Variants in PGAP4 observed in about 807,000 individuals in gnomAD.
The protein encoded by PGAP4 is GPI-N-acetylgalactosamine transferase PGAP4.
In PGAP4, 12 loss-of-function variants were observed where a neutral mutation model predicts 28.2. The observed-to-expected ratio is 0.42, with a 90% CI of 0.27 to 0.69. The LOEUF (loss-of-function observed/expected upper bound fraction) is 0.69, where lower values mean the gene tolerates loss of function less well. PGAP4 is among the 30% of genes least tolerant of loss of function. The pLI is 0.22. For missense variants in PGAP4, 425 were observed against 513.5 expected (o/e 0.83, Z 1.67); for synonymous variants, 205 against 211.8 (o/e 0.97, Z 0.28).
In PGAP4 at chr9:101,478,791, T is replaced by C. The variant is rs146930727; in HGVS notation, c.-77-1622A>G. Reference sequence around the variant, plus strand: ...GTGTTGGGACGGCATGGAACAGATGTCCCTTCCGCTGCCCACCTCCCAGTA... The same window carrying C: ...GTGTTGGGACGGCATGGAACAGATGCCCCTTCCGCTGCCCACCTCCCAGTA... On this transcript the variant is annotated intron_variant, in intron 1 of 1. Coordinates refer to ENST00000374848, the MANE Select transcript of PGAP4 (RefSeq NM_032342.3). 1.8e-4 allele frequency among the ~76,000 whole-genome samples: 27 copies of C among 152,286 alleles called. 2 individuals are homozygous for C. In the East Asian group the frequency reaches 5.0e-3, roughly 28 times the overall value.
In PGAP4 at chr9:101,476,682, C is replaced by G. The variant is rs765398973; in HGVS notation, c.411G>C (p.Glu137Asp). ...RLLQQCGPQC[E>D]GHQLFLCNVE... Reference sequence around the variant, plus strand: ...CGTTGCACAGGAAGAGTTGGTGCCCCTCGCACTGGGGGCCACATTGCTGAA... The same window carrying G: ...CGTTGCACAGGAAGAGTTGGTGCCCGTCGCACTGGGGGCCACATTGCTGAA... The change falls in exon 2 of 2, where the codon GAG (glutamate) becomes GAC (aspartate). Residue 137 changes from glutamate (E) to aspartate (D), a missense_variant. Transcript: ENST00000374848. This position sits in a 1 kb window ranked among gnomAD's most constrained non-coding sequence, Gnocchi z 7.0. 1 of 1,614,152 alleles carries G rather than the reference C, an allele frequency of 6.2e-7. No homozygotes were observed. The highest frequency in any genetic ancestry group is 1.1e-5 in the South Asian group (1 of 91,078).
intron 1 of PGAP4, among the ~76,000 whole-genome samples, chr9:101,485,835 A>T (rs193062562): frequency 6.6e-6 from 1 of 152,232 alleles, no homozygotes; most frequent in East Asian, 1.9e-4. Flanking sequence ...TATCCTTACA[A>T]CATTCTAATA....
chr9:101,475,416 G>A lies in PGAP4; in HGVS notation c.*465C>T, dbSNP rs987998143. ...GAATCTATCCACATGGTCCTGCCTC[G>A]TTGGGCATATATTCTAAACATACAT... is the stretch of plus-strand genomic sequence containing the variant. On this transcript the variant is annotated 3_prime_UTR_variant, in exon 2 of 2. Coordinates refer to ENST00000374848, the MANE Select transcript of PGAP4 (RefSeq NM_032342.3). The A allele has an allele frequency of 2.6e-4, 44 of 171,410 alleles. No individual in the cohort carries two copies. The highest frequency in any genetic ancestry group is 3.0e-3 in the Middle Eastern group (1 of 338). 10.6% of individuals were successfully genotyped at this position (171,410 alleles called of 1,614,324 possible).
At chr9:101,524,584 G>C (rs543380776) in intron 2 of PGAP4, among the ~76,000 whole-genome samples, 34 of 152,254 alleles carry the variant, frequency 2.2e-4, no homozygotes, top group African/African-American at 7.9e-4. Flanking sequence ...CTACTCTCCC[G>C]ATGGATCCCT....
chr9:101,495,920 A>G (rs996913141), intron 2 of PGAP4, among the ~76,000 whole-genome samples: 2 of 151,464 alleles, frequency 1.3e-5, no homozygotes, highest in African/African-American at 4.8e-5. Context: ...AAATAACTGG[A>G]AAGTCAAATC....
chr9:101,483,720 G>C (rs1826546733), intron 1 of PGAP4, among the ~76,000 whole-genome samples: 1 of 151,870 alleles, frequency 6.6e-6, no homozygotes, highest in Non-Finnish European at 1.5e-5. Context: ...TCATGTACAT[G>C]ATCACCAATG....
chr9:101,508,367 C>CA (rs1225239323), intron 2 of PGAP4, among the ~76,000 whole-genome samples: 7 of 152,042 alleles, frequency 4.6e-5, no homozygotes, highest in African/African-American at 1.7e-4. Context: ...GCTTTGGAAA[C>CA]AAAAAGATTT....
At chr9:101,526,082 GA>G (rs1210653371) in intron 2 of PGAP4, among the ~76,000 whole-genome samples, 1 of 151,846 alleles carries the variant, frequency 6.6e-6, no homozygotes, top group Non-Finnish European at 1.5e-5. Flanking sequence ...TTCATAAGAA[GA>G]AAAAAATACA....
chr9:101,495,470 A>G (rs1211989935), intron 2 of PGAP4, among the ~76,000 whole-genome samples: 3 of 137,408 alleles, frequency 2.2e-5, no homozygotes, highest in African/African-American at 8.1e-5. Context: ...TATATTTTAT[A>G]TATAATATAT....
At position 101,475,137 on chromosome 9, in the gene PGAP4, A is replaced by C. The variant is rs1339212011; in HGVS notation, c.*744T>G. 6.6e-6 allele frequency: 1 copy of C among 152,222 alleles called. No individual in the cohort carries two copies. The highest frequency in any genetic ancestry group is 2.1e-4 in the South Asian group (1 of 4,828). The allele number at this position is 152,222 out of a possible 1,614,324, so 9.4% of individuals were successfully genotyped here. Reference sequence around the variant, plus strand: ...ATTCTGAAATGTCCAATTTTCAAAGAGTCAGAGTAGTACAGAAATGTTCAA... The same window carrying C: ...ATTCTGAAATGTCCAATTTTCAAAGCGTCAGAGTAGTACAGAAATGTTCAA... On this transcript the variant is annotated 3_prime_UTR_variant, in exon 2 of 2. Coordinates refer to ENST00000374848, the MANE Select transcript of PGAP4 (RefSeq NM_032342.3).
rs1245170432 is a variant in PGAP4, at chr9:101,523,619, C to CATTTTTTTTTTTTTTTTTTTTT, written c.-165+7728_-165+7729insAAAAAAAAAAAAAAAAAAAAAT. On this transcript the variant is annotated intron_variant, in intron 2 of 3. Coordinates refer to the PGAP4 transcript ENST00000374851. ...ACATTTCTCCCCTCACTTCTTGTAT[C>CATTTTTTTTTTTTTTTTTTTTT]TTTTTTTTTTTTTTTTTTTTTTTTT... Among the ~76,000 whole-genome samples, 28 of 59,352 alleles carry CATTTTTTTTTTTTTTTTTTTTT rather than the reference C, an allele frequency of 4.7e-4. 3 individuals carry two copies. Among genetic ancestry groups the CATTTTTTTTTTTTTTTTTTTTT allele is most frequent in the African/African-American group, 8.5e-4 (12 of 14,134 alleles). 38.9% of individuals were successfully genotyped at this position (59,352 alleles called of 152,430 possible). A position where few individuals can be genotyped will look rare whatever the true frequency, so the allele number is the denominator to read the frequency against.
rs149228228 is a variant in PGAP4, at chr9:101,487,169, G to C, written c.-298C>G. On this transcript the variant is annotated 5_prime_UTR_variant, in exon 1 of 2. Transcript: ENST00000374848. ...CGGGCCATGTGACCCGCGAGCTGCG[G>C]AGAGACCGCGGCCCCCAAAGCGGCT... The C allele has an allele frequency of 2.0e-5, 3 of 152,360 alleles. No homozygotes were observed. The highest frequency in any genetic ancestry group is 3.9e-4 in the East Asian group (2 of 5,150). 9.4% of individuals were successfully genotyped at this position (152,360 alleles called of 1,614,324 possible).
intron 2 of PGAP4, among the ~76,000 whole-genome samples, chr9:101,524,561 C>T (rs555218845): frequency 2.6e-5 from 4 of 152,284 alleles, no homozygotes; most frequent in Non-Finnish European, 5.9e-5. Context: ...AGTTTTAGCC[C>T]CTGCTCCTCT....
Position 101,486,015 on chromosome 9 carries a change from T to A in PGAP4, c.-78+934A>T, listed in dbSNP as rs1270064820. Among the ~76,000 whole-genome samples, 1 of 151,984 alleles carries A rather than the reference T, an allele frequency of 6.6e-6. No individual in the cohort carries two copies. Among genetic ancestry groups the A allele is most frequent in the African/African-American group, 2.4e-5 (1 of 41,376 alleles). Reference sequence around the variant, plus strand: ...GCTAATGGTCCGCATGGTGAGATCATCATTGGAGCCGCCCTGCGGTCCCCC... The same window carrying A: ...GCTAATGGTCCGCATGGTGAGATCAACATTGGAGCCGCCCTGCGGTCCCCC... On this transcript the variant is annotated intron_variant, in intron 1 of 1. Transcript: ENST00000374848. This position sits in a 1 kb window ranked among gnomAD's most constrained non-coding sequence, Gnocchi z 4.7.
At chr9:101,496,214 C>T (rs532703958) in intron 2 of PGAP4, among the ~76,000 whole-genome samples, 1 of 151,080 alleles carries the variant, frequency 6.6e-6, no homozygotes, top group East Asian at 1.9e-4. Context: ...AGGGTTAAAA[C>T]CAGAGAAAGA....
At chr9:101,532,995 G>C (rs566921864) in exon 1 of PGAP4, 1 of 151,914 alleles carries the variant, frequency 6.6e-6, no homozygotes, top group East Asian at 1.9e-4. Context: ...ATAGTTCTGC[G>C]AGACATACAG....
At chr9:101,508,633 C>T (rs974683650) in intron 2 of PGAP4, among the ~76,000 whole-genome samples, 3 of 152,232 alleles carry the variant, frequency 2.0e-5, no homozygotes, top group African/African-American at 4.8e-5. Context: ...TGACTGGCTT[C>T]GTAGAAGACA....
chr9:101,500,137 G>C (rs1406903027), intron 2 of PGAP4, among the ~76,000 whole-genome samples: 1 of 151,806 alleles, frequency 6.6e-6, no homozygotes, highest in Non-Finnish European at 1.5e-5. Context: ...ACTGTTTCTT[G>C]GTCTTTTTAC....
At chr9:101,524,021 C>T (rs946304691) in intron 2 of PGAP4, among the ~76,000 whole-genome samples, 3 of 151,830 alleles carry the variant, frequency 2.0e-5, no homozygotes, top group Non-Finnish European at 4.4e-5. Flanking sequence ...GGTCTAGGCA[C>T]CCAGCGAGTC....
Sources: allele counts gnomAD v4.1 joint callset (sites outside exome capture counted in the v4.1 genomes callset), GRCh38; gene constraint gnomAD v4.1.1; non-coding constraint Gnocchi (gnomAD v3.1); transcripts MANE v1.5; gene names NCBI Gene and HGNC (gene_info 2026-07-23, HGNC 2026-07-21).